SPTLC3: variants seen among roughly 807,000 people sequenced by gnomAD.
SPTLC3 encodes the protein serine palmitoyltransferase long chain base subunit 3, also known as serine palmitoyltransferase 3.
SPTLC3 carries 36 observed loss-of-function variants against 59.3 expected under a neutral mutation model. That is an observed-to-expected ratio of 0.61 (90% CI 0.47 to 0.80). SPTLC3 has a LOEUF of 0.80. Ranked by LOEUF, SPTLC3 falls within the 30% of genes least tolerant of loss-of-function variation. The probability of loss-of-function intolerance (pLI) is 0.00; values close to 1 mark genes in which losing one functional copy is unlikely to be tolerated. For synonymous variants in SPTLC3, 257 were observed against 240.8 expected (o/e 1.07, Z -0.62); for missense variants, 625 against 685.1 (o/e 0.91, Z 0.98).
In SPTLC3 at chr20:13,072,295, A is replaced by G; in HGVS notation, c.343A>G (p.Thr115Ala). 6.2e-7 allele frequency: 1 copy of G among 1,613,896 alleles called. No individual in the cohort carries two copies. The highest frequency in any genetic ancestry group is 1.1e-5 in the South Asian group (1 of 91,030). Reference sequence around the variant, plus strand: ...GTATCAAGACTTTGAAAATTTTTATACAAGAAACCTTTACATGCGAATCAG... The same window carrying G: ...GTATCAAGACTTTGAAAATTTTTATGCAAGAAACCTTTACATGCGAATCAG... ...PLYQDFENFY[T>A]RNLYMRIRDN... The change falls in exon 3 of 12, where the codon ACA becomes GCA. Residue 115 changes from threonine to alanine, a missense_variant. By Grantham distance (58) the Thr-to-Ala change is moderately conservative. Transcript: ENST00000399002.
chr20:13,053,805 C>T (rs532888389), intron 2 of SPTLC3, among the ~76,000 whole-genome samples: 3 of 151,972 alleles, frequency 2.0e-5, no homozygotes, highest in Non-Finnish European at 4.4e-5. Flanking sequence ...TGAAGATCAA[C>T]TTAATGAAAT....
At chr20:13,045,070 T>C (rs896070197) in intron 1 of SPTLC3, among the ~76,000 whole-genome samples, 4 of 151,906 alleles carry the variant, frequency 2.6e-5, no homozygotes, top group Non-Finnish European at 4.4e-5. Context: ...GAAAACATAC[T>C]GTATTTATTG....
rs558354939 is a variant in SPTLC3 at position 13,023,296 on chromosome 20, C to G, written c.117+13912C>G. Among the ~76,000 whole-genome samples the G allele has an allele frequency of 2.7e-5, 4 of 149,444 alleles. No individual in the cohort carries two copies. In the South Asian group the frequency reaches 8.5e-4, roughly 32 times the overall value. ...ACACACACACACACACAGAGTCACACATATACCTACACACATAAACACACA... is the reference window on the plus strand; with the variant it reads ...ACACACACACACACACAGAGTCACAGATATACCTACACACATAAACACACA... On this transcript the variant is annotated intron_variant, in intron 1 of 11. Transcript: ENST00000399002.
At chr20:13,087,716 A>G (rs931048555) in intron 4 of SPTLC3, among the ~76,000 whole-genome samples, 1 of 152,206 alleles carries the variant, frequency 6.6e-6, no homozygotes, top group Non-Finnish European at 1.5e-5. Context: ...GTCAGTATCT[A>G]TGGAAGTCAT....
chr20:13,157,960 T>C (rs1600405588), intron 10 of SPTLC3, among the ~76,000 whole-genome samples: 1 of 152,376 alleles, frequency 6.6e-6, no homozygotes, highest in East Asian at 1.9e-4. Flanking sequence ...AAATATAGTC[T>C]GTAGCCAGTT....
chr20:13,105,163 C>G (rs921878848), intron 6 of SPTLC3, among the ~76,000 whole-genome samples: 1 of 152,118 alleles, frequency 6.6e-6, no homozygotes, highest in Non-Finnish European at 1.5e-5. Context: ...GAGGAACATG[C>G]CAGGGGCTAA....
intron 9 of SPTLC3, among the ~76,000 whole-genome samples, chr20:13,134,915 G>A (rs930635624): frequency 6.6e-6 from 1 of 152,148 alleles, no homozygotes; most frequent in Non-Finnish European, 1.5e-5. Context: ...CTAGCACCTT[G>A]CCTGTCCTTC....
intron 1 of SPTLC3, among the ~76,000 whole-genome samples, chr20:13,034,891 C>CACCCAGGAGGTAATTGCAGTG (rs1257335556): frequency 2.0e-5 from 3 of 152,154 alleles, no homozygotes; most frequent in Non-Finnish European, 2.9e-5. Context: ...ATAAAGAGAC[C>CACCCAGGAGGTAATTGCAGTG]ACCCAGGAGG....
intron 8 of SPTLC3, 46 bp from the exon 9 acceptor site, chr20:13,126,545 T>G (rs768997557): frequency 5.0e-5 from 81 of 1,606,520 alleles, no homozygotes; most frequent in Non-Finnish European, 6.5e-5. Flanking sequence ...ACCACCAGTG[T>G]TGAGATTTAT....
At chr20:13,117,750 G>A (rs754566521) in intron 8 of SPTLC3, 25 bp downstream of exon 8, 2 of 1,580,418 alleles carry the variant, frequency 1.3e-6, no homozygotes, top group African/African-American at 2.7e-5. Flanking sequence ...GCTTGTGTCT[G>A]TTTAAAACCT....
At chr20:13,093,825 G>A (rs1384141887) in intron 6 of SPTLC3, among the ~76,000 whole-genome samples, 2 of 152,130 alleles carry the variant, frequency 1.3e-5, no homozygotes, top group African/African-American at 2.4e-5. Context: ...TTGCAATGTG[G>A]CCTCTAAATA....
At chr20:13,086,724 C>A (rs1251671928) in intron 4 of SPTLC3, among the ~76,000 whole-genome samples, 1 of 152,106 alleles carries the variant, frequency 6.6e-6, no homozygotes, top group Non-Finnish European at 1.5e-5. Context: ...GACTTCAGAC[C>A]TCAGATGGAC....
At chr20:13,137,615 C>T (rs113165459) in intron 9 of SPTLC3, among the ~76,000 whole-genome samples, 2,833 of 152,200 alleles carry the variant, frequency 0.019, 54 homozygotes, top group South Asian at 0.03. Context: ...CTAAAGATGA[C>T]AATTTGGTTT....
At chr20:13,019,666 A>G (rs1163838456) in intron 1 of SPTLC3, among the ~76,000 whole-genome samples, 1 of 152,196 alleles carries the variant, frequency 6.6e-6, no homozygotes, top group Non-Finnish European at 1.5e-5. Context: ...AGACCTGGTG[A>G]TATTTATTGA....
chr20:13,022,521 G>A (rs1985937842), intron 1 of SPTLC3, among the ~76,000 whole-genome samples: 1 of 152,154 alleles, frequency 6.6e-6, no homozygotes, highest in African/African-American at 2.4e-5. Context: ...TGACTCAACT[G>A]GCTGGGCTGG....
intron 9 of SPTLC3, among the ~76,000 whole-genome samples, chr20:13,146,639 G>A (rs2038516284): frequency 6.6e-6 from 1 of 152,002 alleles, no homozygotes; most frequent in Non-Finnish European, 1.5e-5. Flanking sequence ...CTGTCTCATG[G>A]CACCTATTTT....
chr20:13,025,814 AT>A (rs1986114597), intron 1 of SPTLC3, among the ~76,000 whole-genome samples: 1 of 152,158 alleles, frequency 6.6e-6, no homozygotes, highest in South Asian at 2.1e-4. Flanking sequence ...TGTTGTACTT[AT>A]TATTTCATCA....
At chr20:13,025,225 A>G (rs1329460390) in intron 1 of SPTLC3, among the ~76,000 whole-genome samples, 1 of 152,212 alleles carries the variant, frequency 6.6e-6, no homozygotes, top group African/African-American at 2.4e-5. Flanking sequence ...CTTACAATAG[A>G]CTTTCAAATT....
chr20:13,137,554 T>C (rs1383553296), intron 9 of SPTLC3, among the ~76,000 whole-genome samples: 2 of 152,184 alleles, frequency 1.3e-5, no homozygotes, highest in Non-Finnish European at 2.9e-5. Context: ...AAACTGAGTG[T>C]TCTGTTCCTT....
Sources: gnomAD v4.1 joint callset for allele counts (sites outside exome capture counted in the v4.1 genomes callset) on GRCh38, gnomAD v4.1.1 for gene constraint, MANE v1.5 for transcripts, NCBI Gene and HGNC (gene_info 2026-07-23, HGNC 2026-07-21) for gene names.